Variants in PTCHD4 observed in about 807,000 individuals in gnomAD.
The protein encoded by PTCHD4 is patched domain-containing protein 4.
In PTCHD4, 33 loss-of-function variants were observed where a neutral mutation model predicts 58.1. The ratio of observed to expected loss-of-function variants is 0.57; its 90% CI spans 0.43 to 0.76. The LOEUF is 0.76. Ranked by LOEUF, PTCHD4 falls within the 30% of genes least tolerant of loss-of-function variation. The pLI, the probability that PTCHD4 is intolerant of heterozygous loss-of-function variation, is 0.00. For missense variants in PTCHD4, 1,058 were observed against 1,027.1 expected (o/e 1.03, Z -0.41); for synonymous variants, 478 against 409.6 (o/e 1.17, Z -2.02).
intron 4 of PTCHD4, among the ~76,000 whole-genome samples, chr6:47,932,154 T>C (rs538040286): frequency 6.6e-6 from 1 of 152,180 alleles, no homozygotes; most frequent in Non-Finnish European, 1.5e-5. Context: ...GGTGTGGCAG[T>C]TGAGAACATC....
intron 1 of PTCHD4, among the ~76,000 whole-genome samples, chr6:48,075,524 T>C (rs1243859255): frequency 2.0e-5 from 3 of 151,184 alleles, no homozygotes; most frequent in African/African-American, 4.9e-5. Context: ...TCCATGTCAA[T>C]AAACCTTAGA....
Position 47,876,809 on chromosome 6 carries a change from A to G in PTCHD4, c.*1494T>C, listed in dbSNP as rs1342959011. Among the ~76,000 whole-genome samples the G allele has an allele frequency of 2.0e-5, 3 of 152,026 alleles. No individual in the cohort carries two copies. Among genetic ancestry groups the G allele is most frequent in the African/African-American group, 7.2e-5 (3 of 41,426 alleles). The stretch of plus-strand genomic sequence containing the variant: ...AGGCACAGCAATAGTCCAAGTAAGC[A>G]CCCAACAGGTGCTTGGGAGTAGTTT... On this transcript the variant is annotated 3_prime_UTR_variant, in exon 5 of 5. Transcript: ENST00000339488.
rs1768017814 is a variant in PTCHD4, at chr6:47,985,223, A to G, written c.898+23411T>C. Among the ~76,000 whole-genome samples, 4 of 152,106 alleles carry G rather than the reference A, an allele frequency of 2.6e-5. No homozygotes were observed. The South Asian group carries it at 8.3e-4, about 31-fold the overall frequency. On this transcript the variant is annotated intron_variant, in intron 4 of 4. Transcript: ENST00000339488. ...AAGCTGACATAGTTGAATAAAAATC[A>G]TCATGCTGATAGAATTGATTCTCTA...
At chr6:47,884,110 G>A (rs1228591616) in intron 4 of PTCHD4, among the ~76,000 whole-genome samples, 3 of 151,982 alleles carry the variant, frequency 2.0e-5, no homozygotes, top group Admixed American at 6.6e-5. Flanking sequence ...GTGTGTGTGT[G>A]TGTATGTATG....
chr6:48,030,019 C>A (rs1763380752), intron 3 of PTCHD4, among the ~76,000 whole-genome samples: 1 of 152,038 alleles, frequency 6.6e-6, no homozygotes, highest in Non-Finnish European at 1.5e-5. Flanking sequence ...TCTATAGGTA[C>A]TACAGGTGAA....
intron 4 of PTCHD4, among the ~76,000 whole-genome samples, chr6:47,949,094 G>A (rs1444221776): frequency 2.0e-5 from 3 of 152,146 alleles, no homozygotes; most frequent in Non-Finnish European, 1.5e-5. Context: ...CTTAGATCAC[G>A]AAGAGGATAT....
chr6:48,051,789 G>A (rs996691545), intron 3 of PTCHD4, among the ~76,000 whole-genome samples: 1 of 151,928 alleles, frequency 6.6e-6, no homozygotes, highest in Admixed American at 6.6e-5. Context: ...ATTACCAATT[G>A]AGATAAGCAG....
At chr6:48,094,834 T>C (rs1765430696) in intron 1 of PTCHD4, among the ~76,000 whole-genome samples, 3 of 152,230 alleles carry the variant, frequency 2.0e-5, no homozygotes, top group African/African-American at 7.2e-5. Context: ...AGGATTATTG[T>C]TGATATGTGT....
intron 1 of PTCHD4, among the ~76,000 whole-genome samples, chr6:48,086,281 T>C (rs1024769660): frequency 1.3e-5 from 2 of 152,198 alleles, no homozygotes; most frequent in Non-Finnish European, 2.9e-5. Context: ...CAGTTTTCAC[T>C]TGCACAAAAT....
intron 4 of PTCHD4, chr6:47,901,010 C>A (rs1044627215): frequency 1.3e-5 from 2 of 150,662 alleles, no homozygotes; most frequent in African/African-American, 2.4e-5. Context: ...AAAAATTAGC[C>A]GGGCGCGGTG....
At chr6:47,959,552 C>A (rs1040088770) in intron 4 of PTCHD4, among the ~76,000 whole-genome samples, 1 of 151,932 alleles carries the variant, frequency 6.6e-6, no homozygotes. Flanking sequence ...AAATTATAAA[C>A]CCATAGACGC....
intron 4 of PTCHD4, among the ~76,000 whole-genome samples, chr6:48,000,401 C>G (rs914820195): frequency 6.6e-6 from 1 of 152,106 alleles, no homozygotes; most frequent in African/African-American, 2.4e-5. Context: ...TTCTTCTACC[C>G]AGCTATATGT....
At chr6:48,050,409 T>C (rs1310162765) in intron 3 of PTCHD4, among the ~76,000 whole-genome samples, 2 of 151,994 alleles carry the variant, frequency 1.3e-5, no homozygotes, top group African/African-American at 2.4e-5. Context: ...AGATATATTA[T>C]GGACAACGAA....
At chr6:47,941,553 C>A (rs1461328379) in intron 4 of PTCHD4, among the ~76,000 whole-genome samples, 1 of 151,896 alleles carries the variant, frequency 6.6e-6, no homozygotes, top group Non-Finnish European at 1.5e-5. Context: ...ATAGACCAGA[C>A]TATTAGGAGG....
rs77929497 is a variant in PTCHD4, at chr6:48,009,817, A to C, written c.418-703T>G. ...CTTTTCTTATTGATGACAGTAGACA[A>C]ATCCCCTAAATTAGACTGATAAGAA... On this transcript the variant is annotated intron_variant, in intron 3 of 4. Coordinates refer to ENST00000339488, the MANE Select transcript of PTCHD4 (RefSeq NM_001384253.1). Among the ~76,000 whole-genome samples, 230 of 152,302 alleles carry C rather than the reference A, an allele frequency of 1.5e-3. 4 individuals carry two copies. Among genetic ancestry groups the C allele is most frequent in the African/African-American group, 5.3e-3 (220 of 41,564 alleles).
chr6:47,914,396 C>T (rs933687387), intron 4 of PTCHD4, among the ~76,000 whole-genome samples: 1 of 152,058 alleles, frequency 6.6e-6, no homozygotes, highest in Non-Finnish European at 1.5e-5. Context: ...TGGGCCTTAT[C>T]CAACCCAGTG....
At chr6:48,108,090 C>T (rs1765778189) in intron 1 of PTCHD4, among the ~76,000 whole-genome samples, 1 of 152,152 alleles carries the variant, frequency 6.6e-6, no homozygotes, top group African/African-American at 2.4e-5. Context: ...ACCCAGCCAT[C>T]CTATTACTGG....
intron 4 of PTCHD4, among the ~76,000 whole-genome samples, chr6:47,998,207 T>C (rs572742425): frequency 6.6e-6 from 1 of 152,102 alleles, no homozygotes; most frequent in African/African-American, 2.4e-5. Flanking sequence ...TTGATAGACA[T>C]GTATTTGAGG....
chr6:47,940,835 A>C (rs2113924057), intron 4 of PTCHD4, among the ~76,000 whole-genome samples: 1 of 152,292 alleles, frequency 6.6e-6, no homozygotes, highest in Admixed American at 6.5e-5. Flanking sequence ...TTAAAGAGGG[A>C]GCAATAGGCC....
Sources: gnomAD v4.1 joint callset for allele counts (sites outside exome capture counted in the v4.1 genomes callset) on GRCh38, gnomAD v4.1.1 for gene constraint, MANE v1.5 for transcripts, NCBI Gene and HGNC (gene_info 2026-07-23, HGNC 2026-07-21) for gene names.